Variants in SPIDR observed in about 807,000 individuals in gnomAD.
The protein encoded by SPIDR is DNA repair-scaffolding protein.
Under a neutral mutation model 104.6 loss-of-function variants are expected in SPIDR, and 93 were observed. The observed-to-expected ratio is 0.89, with a 90% CI of 0.75 to 1.06. The LOEUF is 1.06. Ranked by LOEUF, SPIDR falls within the 50% of genes least tolerant of loss-of-function variation. SPIDR has a pLI of 0.00. For missense variants in SPIDR, 1,154 were observed against 1,111.2 expected (o/e 1.04, Z -0.55); for synonymous variants, 431 against 416.9 (o/e 1.03, Z -0.41).
chr8:47,412,281 C>T (rs1381549353), intron 7 of SPIDR, among the ~76,000 whole-genome samples: 1 of 152,094 alleles, frequency 6.6e-6, no homozygotes, highest in East Asian at 1.9e-4. Context: ...TTCTTCCTAC[C>T]CATGAGCATT....
intron 7 of SPIDR, among the ~76,000 whole-genome samples, chr8:47,415,260 TAGA>T (rs1554674485): frequency 1.3e-5 from 2 of 152,146 alleles, no homozygotes; most frequent in African/African-American, 4.8e-5. Context: ...GACATGCAGT[TAGA>T]AATAATACTG....
chr8:47,717,714 GC>G (rs1411688601), intron 16 of SPIDR, among the ~76,000 whole-genome samples: 2 of 152,146 alleles, frequency 1.3e-5, no homozygotes, highest in African/African-American at 2.4e-5. Context: ...TCATCCTTAG[GC>G]CCCACCTTAC....
intron 1 of SPIDR, among the ~76,000 whole-genome samples, chr8:47,270,319 C>G (rs2035036187): frequency 6.6e-6 from 1 of 152,096 alleles, no homozygotes; most frequent in Non-Finnish European, 1.5e-5. Context: ...TTTGTTACAG[C>G]TCTCTGATCA....
chr8:47,694,444 G>A (rs557270140), intron 11 of SPIDR, among the ~76,000 whole-genome samples: 2 of 152,208 alleles, frequency 1.3e-5, no homozygotes, highest in Admixed American at 1.3e-4. Flanking sequence ...CCATGTAAAA[G>A]ATAAGCGGGG....
intron 8 of SPIDR, chr8:47,547,846 A>C (rs1204981062): frequency 1.2e-5 from 2 of 173,268 alleles, no homozygotes; most frequent in Non-Finnish European, 2.7e-5. Context: ...ACGATGAACA[A>C]ACACACTGGA....
intron 10 of SPIDR, among the ~76,000 whole-genome samples, chr8:47,610,272 C>T (rs908160652): frequency 1.3e-5 from 2 of 152,156 alleles, no homozygotes; most frequent in African/African-American, 4.8e-5. Flanking sequence ...CACACTAGAT[C>T]ACACTTTCCT....
intron 6 of SPIDR, among the ~76,000 whole-genome samples, chr8:47,401,798 T>C (rs533849971): frequency 6.6e-6 from 1 of 152,324 alleles, no homozygotes; most frequent in African/African-American, 2.4e-5. Context: ...CCTAAATATA[T>C]GTGCACACAA....
At chr8:47,515,813 C>T (rs1391627993) in intron 8 of SPIDR, among the ~76,000 whole-genome samples, 6 of 152,190 alleles carry the variant, frequency 3.9e-5, no homozygotes, top group African/African-American at 1.4e-4. Flanking sequence ...CCATGAAATG[C>T]CTTTTTTTCC....
chr8:47,262,980 A>G (rs2032904690), intron 1 of SPIDR, among the ~76,000 whole-genome samples: 1 of 152,236 alleles, frequency 6.6e-6, no homozygotes, highest in South Asian at 2.1e-4. Context: ...TATTGGCTAC[A>G]TCATAATTTA....
chr8:47,264,148 A>G (rs1046809618), intron 1 of SPIDR, among the ~76,000 whole-genome samples: 1 of 152,234 alleles, frequency 6.6e-6, no homozygotes, highest in African/African-American at 2.4e-5. Context: ...CCACACAGAT[A>G]TATCACGACT....
At chr8:47,478,345 TGAG>T (rs1293897445) in intron 8 of SPIDR, among the ~76,000 whole-genome samples, 2 of 151,932 alleles carry the variant, frequency 1.3e-5, no homozygotes, top group East Asian at 3.9e-4. Flanking sequence ...GTGCCAAGGA[TGAG>T]GATTGGGGTT....
rs910719456 is a variant in SPIDR at position 47,505,445 on chromosome 8, A to G, written c.1097+64903A>G. Among the ~76,000 whole-genome samples the G allele has an allele frequency of 6.9e-4, 105 of 152,268 alleles. 1 individual carries two copies. Among genetic ancestry groups the G allele is most frequent in the African/African-American group, 2.4e-3 (100 of 41,564 alleles). ...TAGGACCCTCCAAGCCATGTGCGGGATATAATCTCCTGGTGTGCCATATGC... is the reference window on the plus strand; with the variant it reads ...TAGGACCCTCCAAGCCATGTGCGGGGTATAATCTCCTGGTGTGCCATATGC... On this transcript the variant is annotated intron_variant, in intron 8 of 19. Coordinates refer to ENST00000297423, the MANE Select transcript of SPIDR (RefSeq NM_001080394.4).
intron 5 of SPIDR, among the ~76,000 whole-genome samples, chr8:47,305,599 T>A (rs2154250957): frequency 6.6e-6 from 1 of 152,344 alleles, no homozygotes; most frequent in Non-Finnish European, 1.5e-5. Flanking sequence ...GAAAGTGATC[T>A]GACAAACCTT....
intron 10 of SPIDR, among the ~76,000 whole-genome samples, chr8:47,622,372 C>T (rs1301346078): frequency 6.6e-6 from 1 of 152,200 alleles, no homozygotes; most frequent in Non-Finnish European, 1.5e-5. Flanking sequence ...GCTGTACAGC[C>T]TGTGACGTTC....
intron 16 of SPIDR, among the ~76,000 whole-genome samples, chr8:47,717,123 G>T (rs368136922): frequency 6.6e-6 from 1 of 152,282 alleles, no homozygotes; most frequent in African/African-American, 2.4e-5. Flanking sequence ...GGTGCAGAGG[G>T]ATGCAGCCTG....
intron 8 of SPIDR, among the ~76,000 whole-genome samples, chr8:47,539,784 C>T (rs562887157): frequency 9.3e-4 from 141 of 151,692 alleles, no homozygotes; most frequent in African/African-American, 3.3e-3. Context: ...GGGATGCTAT[C>T]AGGTGTTGGT....
chr8:47,385,737 A>T (rs1259727500), intron 5 of SPIDR, among the ~76,000 whole-genome samples: 3 of 152,136 alleles, frequency 2.0e-5, no homozygotes, highest in Non-Finnish European at 2.9e-5. Context: ...TTATTGATTC[A>T]TGGGAGTTTT....
At chr8:47,467,717 A>G (rs2154356204) in intron 8 of SPIDR, among the ~76,000 whole-genome samples, 1 of 152,316 alleles carries the variant, frequency 6.6e-6, no homozygotes, top group East Asian at 1.9e-4. Flanking sequence ...CAAAATAAGA[A>G]GAGCCATGTA....
At chr8:47,487,830 A>G (rs1554733013) in intron 8 of SPIDR, among the ~76,000 whole-genome samples, 1 of 152,252 alleles carries the variant, frequency 6.6e-6, no homozygotes, top group African/African-American at 2.4e-5. Flanking sequence ...ACAACATGCC[A>G]GAATCTCTGG....
Sources: gnomAD v4.1 joint callset for allele counts (sites outside exome capture counted in the v4.1 genomes callset) on GRCh38, gnomAD v4.1.1 for gene constraint, MANE v1.5 for transcripts, NCBI Gene and HGNC (gene_info 2026-07-23, HGNC 2026-07-21) for gene names.